ADAM32: variants seen among roughly 807,000 people sequenced by gnomAD.
The protein encoded by ADAM32 is disintegrin and metalloproteinase domain-containing protein 32.
ADAM32 carries 89 observed loss-of-function variants against 114.9 expected under a neutral mutation model. That is an observed-to-expected ratio of 0.77 (90% CI 0.65 to 0.92). ADAM32 has a LOEUF of 0.92. ADAM32 is among the 40% of genes least tolerant of loss of function. The probability of loss-of-function intolerance (pLI) is 0.00; values close to 1 mark genes in which losing one functional copy is unlikely to be tolerated. For missense variants in ADAM32, 870 were observed against 932.8 expected (o/e 0.93, Z 0.88); for synonymous variants, 285 against 307.5 (o/e 0.93, Z 0.77).
chr8:39,209,619 AC>A (rs1309010679), intron 11 of ADAM32, among the ~76,000 whole-genome samples: 3 of 152,014 alleles, frequency 2.0e-5, no homozygotes. Flanking sequence ...TCTTCAGAGG[AC>A]CTTACAGAAA....
chr8:39,251,736 T>C (rs1811321315), intron 17 of ADAM32, among the ~76,000 whole-genome samples: 1 of 151,922 alleles, frequency 6.6e-6, no homozygotes, highest in South Asian at 2.1e-4. Context: ...ATCCCATTTG[T>C]TTATTTTTGC....
chr8:39,247,633 G>T (rs533450347), intron 17 of ADAM32, among the ~76,000 whole-genome samples: 1 of 152,000 alleles, frequency 6.6e-6, no homozygotes, highest in African/African-American at 2.4e-5. Flanking sequence ...CTTCCATTCT[G>T]TGGCTTATCT....
At chr8:39,267,260 C>T (rs1398285890) in intron 19 of ADAM32, among the ~76,000 whole-genome samples, 2 of 152,196 alleles carry the variant, frequency 1.3e-5, no homozygotes, top group Non-Finnish European at 2.9e-5. Flanking sequence ...GCTGGTATCC[C>T]AGACTACTAC....
chr8:39,255,594 T>A (rs1485169097), intron 18 of ADAM32, among the ~76,000 whole-genome samples: 1 of 152,022 alleles, frequency 6.6e-6, no homozygotes, highest in Non-Finnish European at 1.5e-5. Context: ...TCTTGCTGAT[T>A]TGTTTGGGTT....
At chr8:39,111,621 A>G (rs2129444012) in intron 1 of ADAM32, among the ~76,000 whole-genome samples, 1 of 149,794 alleles carries the variant, frequency 6.7e-6, no homozygotes, top group East Asian at 2.0e-4. Context: ...CTGTAATCCC[A>G]GCTGAGGCAG....
intron 17 of ADAM32, 139 bp downstream of exon 17, chr8:39,246,305 C>A: frequency 1.5e-6 from 1 of 669,736 alleles, no homozygotes; most frequent in African/African-American, 1.8e-5. Flanking sequence ...TGAATTAAGT[C>A]ATTAAATTCA....
intron 10 of ADAM32, among the ~76,000 whole-genome samples, chr8:39,178,917 A>C (rs774097565): frequency 6.6e-6 from 1 of 152,116 alleles, no homozygotes; most frequent in Non-Finnish European, 1.5e-5. Flanking sequence ...TGTGAGCTCC[A>C]TCCCAGGAGG....
At chr8:39,131,916 G>A in intron 2 of ADAM32, 1 of 198,944 alleles carries the variant, frequency 5.0e-6, no homozygotes, top group Non-Finnish European at 1.1e-5. Flanking sequence ...TTTTTGAGAT[G>A]GAGTTTCGCT....
chr8:39,281,159 A>G lies in ADAM32; in HGVS notation c.2303A>G (p.Glu768Gly). Residue 768 changes from glutamate (E) to glycine (G), a missense_variant, in exon 23 of 25, where the codon GAA becomes GGA. Glu to Gly is a moderately conservative substitution (Grantham distance 98). Transcript: ENST00000379907. Reference sequence around the variant, plus strand: ...AGATCCAAATCAGAAGATAGTGCTGAAGCATATACTAGCAGGTAAGCAGGA... The same window carrying G: ...AGATCCAAATCAGAAGATAGTGCTGGAGCATATACTAGCAGGTAAGCAGGA... ...TSKSKSEDSA[E>G]AYTSRSKSQD... 1 of 1,376,170 alleles carries G rather than the reference A, an allele frequency of 7.3e-7. No homozygotes were observed. Among genetic ancestry groups the G allele is most frequent in the Non-Finnish European group, 9.6e-7 (1 of 1,042,032 alleles). 85.2% of individuals were successfully genotyped at this position (1,376,170 alleles called of 1,614,324 possible).
At chr8:39,258,136 T>C (rs1000927489) in intron 19 of ADAM32, among the ~76,000 whole-genome samples, 1 of 151,988 alleles carries the variant, frequency 6.6e-6, no homozygotes, top group African/African-American at 2.4e-5. Flanking sequence ...TTTGTCTTTT[T>C]TTTTTCTTTT....
At chr8:39,240,100 T>A (rs923367253) in intron 16 of ADAM32, among the ~76,000 whole-genome samples, 2 of 152,294 alleles carry the variant, frequency 1.3e-5, no homozygotes, top group Non-Finnish European at 2.9e-5. Context: ...TACAGAACAT[T>A]CTGCCCCAAA....
chr8:39,242,639 C>T (rs1810638485), intron 16 of ADAM32, among the ~76,000 whole-genome samples: 1 of 152,126 alleles, frequency 6.6e-6, no homozygotes, highest in African/African-American at 2.4e-5. Flanking sequence ...GATTCAATTA[C>T]CTCCCACTGG....
At chr8:39,263,788 T>C (rs1347675890) in intron 19 of ADAM32, among the ~76,000 whole-genome samples, 1 of 152,216 alleles carries the variant, frequency 6.6e-6, no homozygotes, top group Admixed American at 6.5e-5. Context: ...AATGGATTAA[T>C]ACATTATGCA....
intron 14 of ADAM32, among the ~76,000 whole-genome samples, chr8:39,226,734 C>A (rs1809395902): frequency 6.6e-6 from 1 of 152,072 alleles, no homozygotes; most frequent in African/African-American, 2.4e-5. Flanking sequence ...TCAAGGAGTT[C>A]ATTGCCACTC....
chr8:39,255,395 T>C (rs1811592160), intron 18 of ADAM32, among the ~76,000 whole-genome samples: 1 of 152,032 alleles, frequency 6.6e-6, no homozygotes, highest in Non-Finnish European at 1.5e-5. Context: ...CATCTATTAT[T>C]TTTTGATTTT....
At chr8:39,208,758 C>T (rs1808018756) in intron 11 of ADAM32, among the ~76,000 whole-genome samples, 1 of 152,126 alleles carries the variant, frequency 6.6e-6, no homozygotes, top group African/African-American at 2.4e-5. Flanking sequence ...ATTCTGCTGC[C>T]AGATGTACTG....
chr8:39,224,166 A>C (rs779938224), intron 14 of ADAM32: 1 of 152,164 alleles, frequency 6.6e-6, no homozygotes, highest in Non-Finnish European at 1.5e-5. Flanking sequence ...AGATTGTGCT[A>C]TACTTTTTCA....
chr8:39,152,851 C>A (rs1803925037), intron 6 of ADAM32, among the ~76,000 whole-genome samples: 1 of 151,888 alleles, frequency 6.6e-6, no homozygotes, highest in Admixed American at 6.5e-5. Context: ...GGCCATGTGA[C>A]AAAATTATGG....
chr8:39,258,415 A>G (rs1348045122), intron 19 of ADAM32, among the ~76,000 whole-genome samples: 7 of 151,748 alleles, frequency 4.6e-5, no homozygotes, highest in African/African-American at 1.7e-4. Flanking sequence ...CATTTCCTTT[A>G]TACTCTCCAG....
Sources: allele counts gnomAD v4.1 joint callset (sites outside exome capture counted in the v4.1 genomes callset), GRCh38; gene constraint gnomAD v4.1.1; transcripts MANE v1.5; gene names NCBI Gene and HGNC (gene_info 2026-07-23, HGNC 2026-07-21).